OSBPL5: variants seen among roughly 807,000 people sequenced by gnomAD.
OSBPL5 encodes oxysterol-binding protein-related protein 5.
OSBPL5 carries 71 observed loss-of-function variants against 111.2 expected under a neutral mutation model. The observed-to-expected ratio is 0.64, with a 90% CI of 0.53 to 0.78. The LOEUF (loss-of-function observed/expected upper bound fraction) is 0.78, where lower values mean the gene tolerates loss of function less well. Among genes scored for constraint, OSBPL5 ranks in the 30% least tolerant of loss-of-function variants. The pLI, the probability that OSBPL5 is intolerant of heterozygous loss-of-function variation, is 0.00. For synonymous variants in OSBPL5, 549 were observed against 513.9 expected (o/e 1.07, Z -0.93); for missense variants, 1,210 against 1,189.3 (o/e 1.02, Z -0.26).
In OSBPL5 at chr11:3,162,808, C is replaced by T. The variant is rs1468885220; in HGVS notation, c.-22+2408G>A. Among the ~76,000 whole-genome samples the T allele has an allele frequency of 1.3e-5, 2 of 152,074 alleles. No homozygotes were observed. Among genetic ancestry groups the T allele is most frequent in the Non-Finnish European group, 2.9e-5 (2 of 68,030 alleles). On this transcript the variant is annotated intron_variant, in intron 1 of 21. Transcript: ENST00000263650. The surrounding 1 kb of genome is among the most constrained non-coding windows in gnomAD (Gnocchi z 8.1). ...TGGCATCGAGAACAATATTCTTTTC[C>T]TTTGTGCCGGTCACAAGCAGCATGA...
At chr11:3,138,335 C>A (rs2134503789) in intron 1 of OSBPL5, among the ~76,000 whole-genome samples, 1 of 152,328 alleles carries the variant, frequency 6.6e-6, no homozygotes, top group South Asian at 2.1e-4. Flanking sequence ...CTAGACCCAC[C>A]ACCTCCCAGC....
Position 3,107,565 on chromosome 11 carries a change from C to A in OSBPL5, c.867-110G>T. On this transcript the variant is annotated intron_variant, in intron 8 of 21. Transcript: ENST00000263650. This position sits in a 1 kb window ranked among gnomAD's most constrained non-coding sequence, Gnocchi z 6.1. ...GCACTTCACATACGTTCCTGCCTGT[C>A]GTCACCTCCACAACCCACATTTGAC... 3 of 1,402,270 alleles carry A rather than the reference C, an allele frequency of 2.1e-6. No individual in the cohort carries two copies. The highest frequency in any genetic ancestry group is 3.0e-6 in the Non-Finnish European group (3 of 1,012,234). The allele number at this position is 1,402,270 out of a possible 1,614,324, so 86.9% of individuals were successfully genotyped here.
chr11:3,153,195 CT>C (rs1590731774), intron 1 of OSBPL5, among the ~76,000 whole-genome samples: 1 of 152,124 alleles, frequency 6.6e-6, no homozygotes, highest in East Asian at 1.9e-4. Flanking sequence ...GTGTCCCCAC[CT>C]GTAAAATGGG....
intron 7 of OSBPL5, among the ~76,000 whole-genome samples, chr11:3,111,282 T>C (rs1190661424): frequency 6.6e-6 from 1 of 152,130 alleles, no homozygotes; most frequent in Non-Finnish European, 1.5e-5. Context: ...TTTTCCCTGC[T>C]TCCATGACGA....
At chr11:3,101,898 G>A (rs545403789) in intron 12 of OSBPL5, among the ~76,000 whole-genome samples, 199 bp from the exon 13 acceptor site, 1 of 152,204 alleles carries the variant, frequency 6.6e-6, no homozygotes, top group East Asian at 1.9e-4. Flanking sequence ...GGGCTTGCGG[G>A]CCCTGAGTTG....
intron 21 of OSBPL5, 54 bp downstream of exon 21, chr11:3,089,792 G>T: frequency 3.3e-6 from 5 of 1,503,064 alleles, no homozygotes; most frequent in Non-Finnish European, 3.6e-6. Context: ...GCTCTACCAG[G>T]TCTCTCGCAC....
intron 7 of OSBPL5, among the ~76,000 whole-genome samples, chr11:3,111,316 G>A (rs1284695454): frequency 1.3e-5 from 2 of 151,996 alleles, no homozygotes; most frequent in Non-Finnish European, 2.9e-5. Flanking sequence ...ACTCCTTTAT[G>A]GAGTTCGAGC....
chr11:3,159,464 G>A (rs1262856227), intron 1 of OSBPL5, among the ~76,000 whole-genome samples: 1 of 152,218 alleles, frequency 6.6e-6, no homozygotes, highest in Non-Finnish European at 1.5e-5. Context: ...TGGATCCGCT[G>A]CACTCAGGGA....
At chr11:3,118,183 T>C (rs1178653085) in intron 7 of OSBPL5, among the ~76,000 whole-genome samples, 1 of 152,210 alleles carries the variant, frequency 6.6e-6, no homozygotes, top group Admixed American at 6.5e-5. Context: ...GGAAAATATC[T>C]TGGGCTCCCA....
intron 1 of OSBPL5, among the ~76,000 whole-genome samples, chr11:3,156,785 G>C (rs1846772555): frequency 1.3e-5 from 2 of 152,228 alleles, no homozygotes. Context: ...TTCCACACAG[G>C]CCGAGGGCCG....
rs372502485 is a variant in OSBPL5 at position 3,093,524 on chromosome 11, C to T, written c.1946+3G>A. The T allele has an allele frequency of 3.2e-5, 52 of 1,607,312 alleles. No individual in the cohort carries two copies. Among genetic ancestry groups the T allele is most frequent in the Admixed American group, 3.3e-5 (2 of 59,976 alleles). ...AGGGTCCCTGGGCGCTGACAGGCCTCACCTCTCGGACTCCAGCTCCGTCTG... is the reference window on the plus strand; with the variant it reads ...AGGGTCCCTGGGCGCTGACAGGCCTTACCTCTCGGACTCCAGCTCCGTCTG... On this transcript the variant is annotated splice_donor_region_variant and intron_variant, in intron 17 of 21. Transcript: ENST00000263650.
Position 3,123,179 on chromosome 11 carries a change from G to A in OSBPL5, c.220-751C>T, listed in dbSNP as rs368611648. On this transcript the variant is annotated intron_variant, in intron 3 of 21. Transcript: ENST00000263650. ...GTCCCAATATCTTGGAGGCAGAAGGGGGCCACGGTTCTTCTACAGATGGGG... is the reference window on the plus strand; with the variant it reads ...GTCCCAATATCTTGGAGGCAGAAGGAGGCCACGGTTCTTCTACAGATGGGG... Among the ~76,000 whole-genome samples, 4 of 152,304 alleles carry A rather than the reference G, an allele frequency of 2.6e-5. No homozygotes were observed. In the South Asian group the frequency reaches 6.2e-4, roughly 24 times the overall value.
In OSBPL5 at chr11:3,102,292, C is replaced by T; in HGVS notation, c.1327-11G>A. On this transcript the variant is annotated splice_polypyrimidine_tract_variant and intron_variant, in intron 11 of 21. Coordinates refer to ENST00000263650, the MANE Select transcript of OSBPL5 (RefSeq NM_020896.4). Reference sequence around the variant, plus strand: ...CGGCTTCTTGATTCCCTGCAGACAACAGAGACTTGTGTGAGGAGCCAGGTG... The same window carrying T: ...CGGCTTCTTGATTCCCTGCAGACAATAGAGACTTGTGTGAGGAGCCAGGTG... 2 of 1,584,012 alleles carry T rather than the reference C, an allele frequency of 1.3e-6. No homozygotes were observed. Among genetic ancestry groups the T allele is most frequent in the Non-Finnish European group, 1.7e-6 (2 of 1,165,292 alleles).
rs1846150118 is a variant in OSBPL5, at chr11:3,142,324, G to A, written c.-21-13155C>T. On this transcript the variant is annotated intron_variant, in intron 1 of 21. Coordinates refer to ENST00000263650, the MANE Select transcript of OSBPL5 (RefSeq NM_020896.4). The surrounding 1 kb of genome is among the most constrained non-coding windows in gnomAD (Gnocchi z 7.1). ...CTGGTGCCACCCCAAAGTCCACGGG[G>A]CTGCCCACAGCTGGGGGAGTGCAAT... Among the ~76,000 whole-genome samples, 1 of 152,210 alleles carries A rather than the reference G, an allele frequency of 6.6e-6. No individual in the cohort carries two copies. The highest frequency in any genetic ancestry group is 2.4e-5 in the African/African-American group (1 of 41,450).
rs920611373 is a variant in OSBPL5 at position 3,130,379 on chromosome 11, G to A, written c.-21-1210C>T. ...CTGCCAAGCCCGGGACAAAGGCCTC[G>A]ATTTCTCCCATGGTCCTGGGCTTTG... On this transcript the variant is annotated intron_variant, in intron 1 of 21. Transcript: ENST00000263650. This position sits in a 1 kb window ranked among gnomAD's most constrained non-coding sequence, Gnocchi z 4.5. Among the ~76,000 whole-genome samples the A allele has an allele frequency of 5.9e-5, 9 of 152,270 alleles. No individual in the cohort carries two copies. The highest frequency in any genetic ancestry group is 7.4e-5 in the Non-Finnish European group (5 of 67,998).
intron 1 of OSBPL5, among the ~76,000 whole-genome samples, chr11:3,151,742 C>T (rs542055335): frequency 6.6e-6 from 1 of 152,358 alleles, no homozygotes; most frequent in South Asian, 2.1e-4. Flanking sequence ...TCGGCAGATG[C>T]CAGTCTGCCC....
Position 3,104,240 on chromosome 11 carries a change from G to A in OSBPL5, c.1197C>T (p.Phe399=), listed in dbSNP as rs1195567068. The A allele has an allele frequency of 3.1e-6, 5 of 1,613,302 alleles. No homozygotes were observed. In the South Asian group the frequency reaches 5.5e-5, roughly 18 times the overall value. ...LPTFVLEPRS[F]LNKLSDYYYH... Reference sequence around the variant, plus strand: ...AGTAGTAGTCGGAGAGCTTGTTCAGGAAGGAGCGCGGCTCCAGTACGAACG... The same window carrying A: ...AGTAGTAGTCGGAGAGCTTGTTCAGAAAGGAGCGCGGCTCCAGTACGAACG... The change falls in exon 10 of 22, where the codon TTC becomes TTT. Residue 399 remains phenylalanine (F), a synonymous_variant. Transcript: ENST00000263650. The surrounding 1 kb of genome is among the most constrained non-coding windows in gnomAD (Gnocchi z 5.0).
chr11:3,117,735 T>C lies in OSBPL5; in HGVS notation c.691+1812A>G, dbSNP rs143918320. Among the ~76,000 whole-genome samples, 28 of 152,190 alleles carry C rather than the reference T, an allele frequency of 1.8e-4. No homozygotes were observed. In the East Asian group the frequency reaches 5.2e-3, roughly 28 times the overall value. On this transcript the variant is annotated intron_variant, in intron 7 of 21. Transcript: ENST00000263650. ...TAGGTCTTCAAAATAATGTTTTCAATTTTTTTCCTTCATTTTTTTCCCATT... is the reference window on the plus strand; with the variant it reads ...TAGGTCTTCAAAATAATGTTTTCAACTTTTTTCCTTCATTTTTTTCCCATT...
In OSBPL5 at chr11:3,110,913, G is replaced by T. The variant is rs1320013653; in HGVS notation, c.692-2968C>A. Reference sequence around the variant, plus strand: ...GGGCACATCGTCAGGACCTCCTGAGGCTGTGTCACAGGTAGGCGTCTTCAA... The same window carrying T: ...GGGCACATCGTCAGGACCTCCTGAGTCTGTGTCACAGGTAGGCGTCTTCAA... On this transcript the variant is annotated intron_variant, in intron 7 of 21. Transcript: ENST00000263650. The surrounding 1 kb of genome is among the most constrained non-coding windows in gnomAD (Gnocchi z 5.3). 6.6e-6 allele frequency among the ~76,000 whole-genome samples: 1 copy of T among 152,154 alleles called. No individual in the cohort carries two copies. Among genetic ancestry groups the T allele is most frequent in the Admixed American group, 6.5e-5 (1 of 15,274 alleles).
Sources: allele counts gnomAD v4.1 joint callset (sites outside exome capture counted in the v4.1 genomes callset), GRCh38; gene constraint gnomAD v4.1.1; non-coding constraint Gnocchi (gnomAD v3.1); transcripts MANE v1.5; gene names NCBI Gene and HGNC (gene_info 2026-07-23, HGNC 2026-07-21).